The following LPXN variants were observed in gnomAD, a reference collection of about 807,000 sequenced individuals.
LPXN encodes the protein leupaxin.
LPXN carries 28 observed loss-of-function variants against 45.6 expected under a neutral mutation model. The observed-to-expected ratio is 0.61, with a 90% CI of 0.45 to 0.84. The LOEUF (loss-of-function observed/expected upper bound fraction) is 0.84, where lower values mean the gene tolerates loss of function less well. Among genes scored for constraint, LPXN ranks in the 40% least tolerant of loss-of-function variants. LPXN has a pLI of 0.00. For synonymous variants in LPXN, 166 were observed against 169.9 expected (o/e 0.98, Z 0.18); for missense variants, 459 against 475.0 (o/e 0.97, Z 0.31).
chr11:58,570,472 A>T (rs1484307437), intron 2 of LPXN, 84 bp downstream of exon 2: 1 of 1,019,062 alleles, frequency 9.8e-7, no homozygotes, highest in Non-Finnish European at 1.4e-6. Flanking sequence ...TTCTCCTTTC[A>T]TATTATTTTA....
chr11:58,571,140 C>T lies in LPXN; in HGVS notation c.14-427G>A, dbSNP rs549856744. ...GAGGATCCCTTGAGCCTAGGAGTTCCAGACCAGGGCAACATAGCAAAATCC... is the reference window on the plus strand; with the variant it reads ...GAGGATCCCTTGAGCCTAGGAGTTCTAGACCAGGGCAACATAGCAAAATCC... On this transcript the variant is annotated intron_variant, in intron 1 of 8. Transcript: ENST00000395074. 1.4e-3 allele frequency among the ~76,000 whole-genome samples: 217 copies of T among 152,124 alleles called. 3 individuals carry two copies. Among genetic ancestry groups the T allele is most frequent in the Non-Finnish European group, 4.4e-4 (30 of 68,008 alleles).
At chr11:58,544,311 G>A (rs1210102424) in intron 7 of LPXN, among the ~76,000 whole-genome samples, 1 of 152,178 alleles carries the variant, frequency 6.6e-6, no homozygotes, top group Non-Finnish European at 1.5e-5. Context: ...AATGCAGATT[G>A]CTGGGTCTTC....
At position 58,570,558 on chromosome 11, in the gene LPXN, G is replaced by A; in HGVS notation, c.169C>T (p.Pro57Ser). 2 of 1,604,486 alleles carry A rather than the reference G, an allele frequency of 1.2e-6. No individual in the cohort carries two copies. The highest frequency in any genetic ancestry group is 8.5e-7 in the Non-Finnish European group (1 of 1,174,646). Residue 57 changes from proline (P) to serine (S), a missense_variant and splice_region_variant, in exon 2 of 9, where the codon CCG (proline) becomes TCG (serine). Pro to Ser is a moderately conservative substitution (Grantham distance 74, BLOSUM62 -1). Transcript: ENST00000395074. ...LSIQDNTSPLPAQLVYTTNIQ... is the reference protein window; with the variant it reads ...LSIQDNTSPLSAQLVYTTNIQ... The stretch of plus-strand genomic sequence containing the variant: ...GACTATAATAAATGAAAATTTACCG[G>A]CAAGGGACTTGTGTTATCCTGAATA...
In LPXN at chr11:58,528,047, C is replaced by T; in HGVS notation, c.887G>A (p.Cys296Tyr). The T allele has an allele frequency of 6.2e-7, 1 of 1,613,872 alleles. No individual in the cohort carries two copies. Among genetic ancestry groups the T allele is most frequent in the Non-Finnish European group, 8.5e-7 (1 of 1,179,860 alleles). ...DTVWHPECFVCGDCFTSFSTG... is the reference protein window; with the variant it reads ...DTVWHPECFVYGDCFTSFSTG... ...AAGAAAAGTGATTATACAGACCCCA[C>T]AAACAAAGCACTCTGGGTGCCAGAC... The change falls in exon 8 of 9, where the codon TGT becomes TAT. Residue 296 changes from cysteine (C) to tyrosine (Y), a missense_variant. Physicochemically the swap from Cys to Tyr is radical, Grantham distance 194. Coordinates refer to ENST00000395074, the MANE Select transcript of LPXN (RefSeq NM_004811.3).
chr11:58,558,241 G>T (rs374183655), intron 3 of LPXN, among the ~76,000 whole-genome samples: 4 of 152,042 alleles, frequency 2.6e-5, no homozygotes, highest in East Asian at 3.9e-4. Context: ...AAATTTGTAT[G>T]ATGTTGGTAA....
chr11:58,577,898 G>C, upstream of LPXN: 1 of 1,160,066 alleles, frequency 8.6e-7, no homozygotes, highest in Non-Finnish European at 1.2e-6. Context: ...TCGTTTCACA[G>C]ATTTGATTAA....
intron 7 of LPXN, among the ~76,000 whole-genome samples, chr11:58,540,731 G>A (rs1260846681): frequency 6.6e-6 from 1 of 152,154 alleles, no homozygotes; most frequent in Non-Finnish European, 1.5e-5. Context: ...AATTTTCACT[G>A]TTAAGACACA....
chr11:58,540,466 G>T (rs1024374413), intron 7 of LPXN, among the ~76,000 whole-genome samples: 3 of 152,076 alleles, frequency 2.0e-5, no homozygotes, highest in Non-Finnish European at 2.9e-5. Flanking sequence ...TTTTTAAAAA[G>T]ACCTTCTCAG....
Position 58,527,349 on chromosome 11 carries a change from A to T in LPXN, c.*105T>A. 1 of 1,174,716 alleles carries T rather than the reference A, an allele frequency of 8.5e-7. No individual in the cohort carries two copies. Among genetic ancestry groups the T allele is most frequent in the Non-Finnish European group, 1.2e-6 (1 of 818,960 alleles). The allele number at this position is 1,174,716 out of a possible 1,614,324, so 72.8% of individuals were successfully genotyped here. ...TTTGCTCATCACCTTTCCTTTTTCT[A>T]TAAGACTATTAAGCAGAAGGTCAGT... On this transcript the variant is annotated 3_prime_UTR_variant, in exon 9 of 9. Coordinates refer to ENST00000395074, the MANE Select transcript of LPXN (RefSeq NM_004811.3).
chr11:58,541,870 G>A (rs12290872), intron 7 of LPXN, among the ~76,000 whole-genome samples: 65,881 of 151,396 alleles, frequency 0.44, 14,596 homozygotes, highest in Middle Eastern at 0.54. Context: ...ATAAAAAATG[G>A]TGAGTTCATG....
chr11:58,533,701 TG>T (rs1426440465), intron 7 of LPXN, among the ~76,000 whole-genome samples: 1 of 152,196 alleles, frequency 6.6e-6, no homozygotes, highest in Non-Finnish European at 1.5e-5. Context: ...ATGGACTAAA[TG>T]TCCCAATTAA....
intron 7 of LPXN, among the ~76,000 whole-genome samples, chr11:58,536,416 C>T (rs1299988349): frequency 1.3e-5 from 2 of 152,152 alleles, no homozygotes; most frequent in Non-Finnish European, 2.9e-5. Context: ...GGAAAGGATT[C>T]CCTATTTAAT....
At chr11:58,552,180 T>G (rs1854072155) in intron 4 of LPXN, among the ~76,000 whole-genome samples, 1 of 152,174 alleles carries the variant, frequency 6.6e-6, no homozygotes, top group South Asian at 2.1e-4. Context: ...AGGGAGATTT[T>G]CAGATAATGA....
intron 7 of LPXN, among the ~76,000 whole-genome samples, chr11:58,533,188 G>A (rs776166563): frequency 1.3e-5 from 2 of 152,180 alleles, no homozygotes; most frequent in African/African-American, 2.4e-5. Flanking sequence ...GCAAGGGTCC[G>A]CGGCTTCATT....
intron 7 of LPXN, among the ~76,000 whole-genome samples, chr11:58,530,804 T>C (rs1219616503): frequency 6.6e-6 from 1 of 152,160 alleles, no homozygotes; most frequent in East Asian, 1.9e-4. Flanking sequence ...ACAGGAGAGC[T>C]CTGGCTGGCA....
At chr11:58,572,734 T>C (rs991514476) in intron 1 of LPXN, among the ~76,000 whole-genome samples, 6 of 152,118 alleles carry the variant, frequency 3.9e-5, no homozygotes, top group Non-Finnish European at 7.4e-5. Context: ...TATATATTTA[T>C]TTTAGAGGTC....
At chr11:58,578,213 C>T (rs2510556), upstream of LPXN, 54 of 852,528 alleles carry the variant, frequency 6.3e-5, no homozygotes, top group African/African-American at 8.7e-5. Flanking sequence ...ACGCTTGAGC[C>T]CGGATGTACG....
rs370781907 is a variant in LPXN at position 58,570,689 on chromosome 11, C to A, written c.38G>T (p.Arg13Leu). ...ELDALLEELERSTLQDSDEYS... is the reference protein window; with the variant it reads ...ELDALLEELELSTLQDSDEYS... ...TTCATCACTGTCCTGAAGGGTGGAG[C>A]GTTCCAGTTCCTCCAATAAGGCATC... The change falls in exon 2 of 9, where the codon CGC becomes CTC. Residue 13 changes from arginine (R) to leucine (L), a missense_variant. Arg to Leu is a moderately radical substitution (Grantham distance 102, BLOSUM62 -2). Transcript: ENST00000395074. 1.1e-5 allele frequency: 17 copies of A among 1,610,220 alleles called. No individual in the cohort carries two copies. In the South Asian group the frequency reaches 1.5e-4, roughly 15 times the overall value.
At chr11:58,532,154 G>T (rs567025230) in intron 7 of LPXN, among the ~76,000 whole-genome samples, 1 of 152,242 alleles carries the variant, frequency 6.6e-6, no homozygotes, top group East Asian at 1.9e-4. Context: ...TGTCATGCTC[G>T]AATTCTTGCC....
Sources: gnomAD v4.1 joint callset for allele counts (sites outside exome capture counted in the v4.1 genomes callset) on GRCh38, gnomAD v4.1.1 for gene constraint, MANE v1.5 for transcripts, NCBI Gene and HGNC (gene_info 2026-07-23, HGNC 2026-07-21) for gene names.